The following MLH3 variants were observed in gnomAD, a reference collection of about 807,000 sequenced individuals.
MLH3 encodes DNA mismatch repair protein Mlh3.
MLH3 carries 82 observed loss-of-function variants against 122.2 expected under a neutral mutation model. The ratio of observed to expected loss-of-function variants is 0.67; its 90% CI spans 0.56 to 0.81. MLH3 has a LOEUF of 0.81. Among genes scored for constraint, MLH3 ranks in the 30% least tolerant of loss-of-function variants. The pLI is 0.00. For synonymous variants in MLH3, 524 were observed against 599.5 expected (o/e 0.87, Z 1.84); for missense variants, 1,539 against 1,714.5 (o/e 0.90, Z 1.81).
intron 12 of MLH3, among the ~76,000 whole-genome samples, chr14:75,018,170 T>A (rs1240474035): frequency 6.6e-6 from 1 of 152,074 alleles, no homozygotes; most frequent in Non-Finnish European, 1.5e-5. Context: ...AAGGAAAGAT[T>A]TTGGAAAGCA....
intron 2 of MLH3, among the ~76,000 whole-genome samples, chr14:75,043,982 A>T (rs895901508): frequency 6.6e-6 from 1 of 152,116 alleles, no homozygotes; most frequent in Admixed American, 6.5e-5. Context: ...CCAGCTACTC[A>T]GGAGGCTGAG....
Position 75,033,642 on chromosome 14 carries a change from A to G in MLH3, c.3644-152T>C, listed in dbSNP as rs569112666. The G allele has an allele frequency of 1.0e-5, 7 of 683,544 alleles. No homozygotes were observed. The African/African-American group carries it at 1.1e-4, about 10-fold the overall frequency. 42.3% of individuals were successfully genotyped at this position (683,544 alleles called of 1,614,324 possible). A position where few individuals can be genotyped will look rare whatever the true frequency, so the allele number is the denominator to read the frequency against. Reference sequence around the variant, plus strand: ...AACAATTGTATCTTTTATTTCCTAAAACATGAAATTATGGGGAAAATGATA... The same window carrying G: ...AACAATTGTATCTTTTATTTCCTAAGACATGAAATTATGGGGAAAATGATA... On this transcript the variant is annotated intron_variant, in intron 6 of 12. Transcript: ENST00000355774.
chr14:75,028,232 AT>A (rs1395743765), intron 9 of MLH3, among the ~76,000 whole-genome samples: 1 of 152,172 alleles, frequency 6.6e-6, no homozygotes, highest in African/African-American at 2.4e-5. Flanking sequence ...AAGTAATCAT[AT>A]TTGGAATGCA....
rs368876363 is a variant in MLH3 at position 75,018,885 on chromosome 14, C to T, written c.4186G>A (p.Gly1396Arg). 5 of 1,613,982 alleles carry T rather than the reference C, an allele frequency of 3.1e-6. No homozygotes were observed. The highest frequency in any genetic ancestry group is 1.7e-5 in the Admixed American group (1 of 60,006). The change falls in exon 12 of 13, where the codon GGG becomes AGG. Residue 1396 changes from glycine to arginine, a missense_variant. Transcript: ENST00000355774. ...SCQLPFQCAH[G>R]RPSMLPLADI... ...GCTAACGGCAGCATAGAAGGTCTCC[C>T]GTGAGCACACTGGAATGGCAGCTGG...
chr14:75,038,079 T>C (rs1371711022), intron 6 of MLH3, among the ~76,000 whole-genome samples: 1 of 152,198 alleles, frequency 6.6e-6, no homozygotes, highest in Non-Finnish European at 1.5e-5. Context: ...TTTGTATTTT[T>C]AGTAGAGACG....
At chr14:75,024,730 C>G (rs1890516062) in intron 9 of MLH3, among the ~76,000 whole-genome samples, 1 of 152,196 alleles carries the variant, frequency 6.6e-6, no homozygotes, top group African/African-American at 2.4e-5. Flanking sequence ...AAAGTCTCTC[C>G]TGATCAGCCT....
rs754540902 is a variant in MLH3, at chr14:75,047,173, T to C, written c.2483A>G (p.Glu828Gly). 1.1e-5 allele frequency: 18 copies of C among 1,614,042 alleles called. No individual in the cohort carries two copies. The highest frequency in any genetic ancestry group is 3.3e-5 in the Admixed American group (2 of 60,010). The part of the protein sequence containing the change: ...CQPASHILNS[E>G]KFPFSKDEDC... Reference sequence around the variant, plus strand: ...TTCATCCTTGGAGAATGGAAACTTCTCTGAGTTAAGGATGTGGCTTGCTGG... The same window carrying C: ...TTCATCCTTGGAGAATGGAAACTTCCCTGAGTTAAGGATGTGGCTTGCTGG... Residue 828 changes from glutamate (E) to glycine (G), a missense_variant, in exon 2 of 13, where the codon GAG becomes GGG. Glu to Gly is a moderately conservative substitution (Grantham distance 98). Transcript: ENST00000355774.
chr14:75,048,321 T>C lies in MLH3; in HGVS notation c.1335A>G (p.Ser445=). The change falls in exon 2 of 13, where the codon TCA becomes TCG. Residue 445 remains serine (S), a synonymous_variant. Coordinates refer to ENST00000355774, the MANE Select transcript of MLH3 (RefSeq NM_001040108.2). ...TCATTTTGCTATGGCCTGGACCACC[T>C]GATTCATAAATGTACAAAAATGCAT... The part of the protein sequence containing the change: ...TNDAFLYIYE[S]GGPGHSKMTE... 1.2e-6 allele frequency: 2 copies of C among 1,614,118 alleles called. No homozygotes were observed. The highest frequency in any genetic ancestry group is 3.3e-5 in the Admixed American group (2 of 60,022).
At chr14:75,037,440 G>A (rs1351912075) in intron 6 of MLH3, among the ~76,000 whole-genome samples, 6 of 151,498 alleles carry the variant, frequency 4.0e-5, no homozygotes, top group African/African-American at 1.5e-4. Context: ...TATCCCTAGG[G>A]CCTGGTACAG....
chr14:75,020,447 CA>C (rs983001144), intron 11 of MLH3, among the ~76,000 whole-genome samples: 2 of 152,010 alleles, frequency 1.3e-5, no homozygotes, highest in Non-Finnish European at 2.9e-5. Flanking sequence ...TCAACAGTGG[CA>C]AAAATGAGGG....
At chr14:75,051,045 AGTATTCCGATTAATGTAAACCCAATGAT>A (rs1566612713) in intron 1 of MLH3, 1 of 152,298 alleles carries the variant, frequency 6.6e-6, no homozygotes, top group Admixed American at 6.5e-5. Context: ...ACGTTTAACA[AGTATTCCGATTAATGTAAACCCAATGAT>A]TTCCTGATGA....
Position 75,041,657 on chromosome 14 carries a change from C to A in MLH3, c.3423G>T (p.Leu1141Phe), listed in dbSNP as rs2139494058. The A allele has an allele frequency of 6.2e-7, 1 of 1,613,996 alleles. No homozygotes were observed. Among genetic ancestry groups the A allele is most frequent in the Non-Finnish European group, 8.5e-7 (1 of 1,179,948 alleles). Residue 1141 changes from leucine to phenylalanine, a missense_variant, in exon 4 of 13, where the codon TTG becomes TTT. Transcript: ENST00000355774. ...DTVSSESLQS[L>F]FSEWDNPVFA... ...ATACTGGATTGTCCCATTCTGAGAACAAAGACTGAAGCGATTCGCTACTAA... is the reference window on the plus strand; with the variant it reads ...ATACTGGATTGTCCCATTCTGAGAAAAAAGACTGAAGCGATTCGCTACTAA...
intron 11 of MLH3, among the ~76,000 whole-genome samples, chr14:75,020,600 A>G (rs1420734789): frequency 6.6e-6 from 1 of 152,138 alleles, no homozygotes; most frequent in African/African-American, 2.4e-5. Context: ...TAAAGGAAAG[A>G]CCATTTAAAT....
rs1426104725 is a variant in MLH3 at position 75,046,713 on chromosome 14, A to G, written c.2943T>C (p.Gly981=). The G allele has an allele frequency of 2.5e-6, 4 of 1,614,158 alleles. No homozygotes were observed. The South Asian group carries it at 4.4e-5, about 18-fold the overall frequency. Reference sequence around the variant, plus strand: ...CTCTGATAAGAACATCTGAATCTTTACCGGTAACTTTAGAATTATTATAGG... The same window carrying G: ...CTCTGATAAGAACATCTGAATCTTTGCCGGTAACTTTAGAATTATTATAGG... The part of the protein sequence containing the change: ...VLPYNNSKVT[G]KDSDVLIRAS... The change falls in exon 2 of 13, where the codon GGT becomes GGC. Residue 981 remains glycine (G), a synonymous_variant. Transcript: ENST00000355774.
chr14:75,034,884 G>A (rs1319934598), intron 6 of MLH3, among the ~76,000 whole-genome samples: 1 of 151,834 alleles, frequency 6.6e-6, no homozygotes, highest in Non-Finnish European at 1.5e-5. Context: ...CCAACATGGT[G>A]AAACCCTGTC....
chr14:75,045,431 T>G (rs1333383842), intron 2 of MLH3, among the ~76,000 whole-genome samples: 2 of 152,216 alleles, frequency 1.3e-5, no homozygotes, highest in African/African-American at 2.4e-5. Flanking sequence ...AAAGTACATT[T>G]GAAAAGTATA....
intron 9 of MLH3, among the ~76,000 whole-genome samples, chr14:75,026,277 C>T (rs1261108075): frequency 6.6e-6 from 1 of 151,998 alleles, no homozygotes; most frequent in African/African-American, 2.4e-5. Flanking sequence ...ATGAAAAAAG[C>T]AGGACACCAT....
Position 75,042,510 on chromosome 14 carries a change from A to T in MLH3, c.3281-33T>A, listed in dbSNP as rs1041835741. On this transcript the variant is annotated intron_variant, in intron 2 of 12. Transcript: ENST00000355774. ...TAAGAAAGAAAAACCTAGAAATGTG[A>T]ACTTAAAATACAAGTAAACTCTTTA... The T allele has an allele frequency of 4.0e-6, 6 of 1,510,148 alleles. No homozygotes were observed. In the Admixed American group the frequency reaches 6.7e-5, roughly 17 times the overall value. The allele number at this position is 1,510,148 out of a possible 1,614,324, so 93.5% of individuals were successfully genotyped here. A position where few individuals can be genotyped will look rare whatever the true frequency, so the allele number is the denominator to read the frequency against.
At chr14:75,019,669 A>G (rs564605083) in intron 11 of MLH3, among the ~76,000 whole-genome samples, 1 of 152,272 alleles carries the variant, frequency 6.6e-6, no homozygotes, top group South Asian at 2.1e-4. Context: ...GGATCGTCCA[A>G]TAGCAATCTC....
Sources: allele counts gnomAD v4.1 joint callset (sites outside exome capture counted in the v4.1 genomes callset), GRCh38; gene constraint gnomAD v4.1.1; transcripts MANE v1.5; gene names NCBI Gene and HGNC (gene_info 2026-07-23, HGNC 2026-07-21).